Variants in ERCC8 observed in about 807,000 individuals in gnomAD.
The protein encoded by ERCC8 is DNA excision repair protein ERCC-8.
ERCC8 carries 52 observed loss-of-function variants against 54.9 expected under a neutral mutation model. The observed-to-expected ratio is 0.95, with a 90% CI of 0.76 to 1.19. The LOEUF is 1.19. Among genes scored for constraint, ERCC8 ranks in the 50% most tolerant of loss-of-function variants. ERCC8 has a pLI of 0.00. For missense variants in ERCC8, 514 were observed against 466.1 expected, an observed-to-expected ratio of 1.10 and a Z score of -0.95; for synonymous variants, 146 against 157.2, an observed-to-expected ratio of 0.93 and a Z score of 0.53.
chr5:60,875,892 T>C (rs1035143759), intron 11 of ERCC8, among the ~76,000 whole-genome samples: 1 of 114,170 alleles, frequency 8.8e-6, no homozygotes, highest in Non-Finnish European at 1.8e-5. Flanking sequence ...ATTTATTTTT[T>C]CTTTTTTTTA....
At position 60,938,048 on chromosome 5, in the gene ERCC8, CATATATATATATAT is replaced by C. The variant is rs1170248858; in HGVS notation, c.77+6870_77+6883del. The stretch of plus-strand genomic sequence containing the variant: ...GTATACATACATACATACATACATA[CATATATATATATAT>C]ATATATATATATATATATATATATT... On this transcript the variant is annotated intron_variant, in intron 1 of 11. Coordinates refer to ENST00000676185, the MANE Select transcript of ERCC8 (RefSeq NM_000082.4). 2.1e-4 allele frequency among the ~76,000 whole-genome samples: 5 copies of C among 23,376 alleles called. 1 individual carries two copies. Among genetic ancestry groups the C allele is most frequent in the Non-Finnish European group, 3.5e-4 (4 of 11,328 alleles). The allele number at this position is 23,376 out of a possible 152,430, so 15.3% of individuals were successfully genotyped here.
At chr5:60,899,506 C>T (rs1748811353) in intron 8 of ERCC8, 121 bp downstream of exon 8, 1 of 717,940 alleles carries the variant, frequency 1.4e-6, no homozygotes, top group Non-Finnish European at 2.5e-6. Context: ...CGATGAATGC[C>T]TTTTGAAAAA....
chr5:60,908,006 T>G (rs965858511), intron 4 of ERCC8, among the ~76,000 whole-genome samples: 5 of 152,196 alleles, frequency 3.3e-5, no homozygotes, highest in African/African-American at 1.2e-4. Flanking sequence ...TTTTACAGGC[T>G]TCCATTGTAT....
chr5:60,938,243 T>C (rs1361762230), intron 1 of ERCC8, among the ~76,000 whole-genome samples: 2 of 151,236 alleles, frequency 1.3e-5, no homozygotes, highest in South Asian at 2.1e-4. Context: ...TGAAATGTAA[T>C]TATGAATTTC....
intron 1 of ERCC8, among the ~76,000 whole-genome samples, chr5:60,932,374 T>A (rs1341196471): frequency 1.3e-5 from 2 of 152,192 alleles, no homozygotes; most frequent in Admixed American, 1.3e-4. Context: ...GTGCCTAAAC[T>A]ATTTGAGAAA....
chr5:60,904,885 A>G lies in ERCC8; in HGVS notation c.400-12T>C. The G allele has an allele frequency of 2.3e-6, 3 of 1,302,614 alleles. No individual in the cohort carries two copies. The highest frequency in any genetic ancestry group is 1.8e-4 in the Middle Eastern group (1 of 5,448). 80.7% of individuals were successfully genotyped at this position (1,302,614 alleles called of 1,614,324 possible). A position where few individuals can be genotyped will look rare whatever the true frequency, so the allele number is the denominator to read the frequency against. ...AATACATCTGCAGTCTGGTAATCAA[A>G]AGACATTTAAAAAGTATAAGGTTTA... On this transcript the variant is annotated splice_polypyrimidine_tract_variant and intron_variant, in intron 4 of 11. Transcript: ENST00000676185.
At chr5:60,939,748 G>A (rs1167994784) in intron 1 of ERCC8, among the ~76,000 whole-genome samples, 1 of 152,082 alleles carries the variant, frequency 6.6e-6, no homozygotes, top group Non-Finnish European at 1.5e-5. Context: ...CACCTGCCTT[G>A]GCCTCCCAAA....
At chr5:60,893,312 T>C (rs1579997206) in intron 9 of ERCC8, 1 of 893,046 alleles carries the variant, frequency 1.1e-6, no homozygotes, top group Non-Finnish European at 1.9e-6. Context: ...CTGAAACTCC[T>C]CCTGGCGTCT....
intron 10 of ERCC8, among the ~76,000 whole-genome samples, chr5:60,888,275 A>G (rs948472812): frequency 2.6e-5 from 4 of 152,232 alleles, no homozygotes; most frequent in African/African-American, 9.6e-5. Flanking sequence ...AGTAATTTAT[A>G]GAAAATGTAG....
At chr5:60,941,684 T>C (rs1750261313) in intron 1 of ERCC8, among the ~76,000 whole-genome samples, 1 of 152,202 alleles carries the variant, frequency 6.6e-6, no homozygotes, top group African/African-American at 2.4e-5. Context: ...AGAAAAATGA[T>C]AAATTACCTA....
rs1396232759 is a variant in ERCC8 at position 60,943,978 on chromosome 5, A to G, written c.77+954T>C. Among the ~76,000 whole-genome samples the G allele has an allele frequency of 2.0e-5, 3 of 152,304 alleles. No homozygotes were observed. The East Asian group carries it at 5.8e-4, about 29-fold the overall frequency. Reference sequence around the variant, plus strand: ...TATTTAAATTTCTCCAGAACGCAGAACTCATAAGCAACTGTGTTCTCCAAG... The same window carrying G: ...TATTTAAATTTCTCCAGAACGCAGAGCTCATAAGCAACTGTGTTCTCCAAG... On this transcript the variant is annotated intron_variant, in intron 1 of 11. Transcript: ENST00000676185.
intron 4 of ERCC8, among the ~76,000 whole-genome samples, chr5:60,916,393 G>C (rs1749436092): frequency 6.6e-6 from 1 of 152,054 alleles, no homozygotes; most frequent in South Asian, 2.1e-4. Context: ...AAAGTTGAAT[G>C]CATTTCTGTA....
At chr5:60,930,402 C>G (rs894515452) in intron 1 of ERCC8, among the ~76,000 whole-genome samples, 13 of 152,152 alleles carry the variant, frequency 8.5e-5, no homozygotes, top group African/African-American at 3.1e-4. Flanking sequence ...ACTAAAAATA[C>G]AAAAATTAGC....
At chr5:60,928,618 C>T (rs184724192) in intron 2 of ERCC8, among the ~76,000 whole-genome samples, 45 of 152,128 alleles carry the variant, frequency 3.0e-4, no homozygotes, top group Non-Finnish European at 4.6e-4. Context: ...AAAAGAAGTT[C>T]AATGTTTGTT....
intron 1 of ERCC8, among the ~76,000 whole-genome samples, chr5:60,944,727 A>G (rs938366433): frequency 9.6e-6 from 1 of 104,536 alleles, no homozygotes; most frequent in Non-Finnish European, 1.9e-5. Context: ...CCCCCGGGGA[A>G]CCCCCCCCAC....
In ERCC8 at chr5:60,902,516, T is replaced by C. The variant is rs2112491345; in HGVS notation, c.551-8A>G. The C allele has an allele frequency of 6.2e-7, 1 of 1,606,914 alleles. No homozygotes were observed. Among genetic ancestry groups the C allele is most frequent in the Non-Finnish European group, 8.5e-7 (1 of 1,173,766 alleles). Reference sequence around the variant, plus strand: ...ATATTTCTTGTCTGTGACCTGCAAATACAACTATATGAAAAGTCTTGCAAG... The same window carrying C: ...ATATTTCTTGTCTGTGACCTGCAAACACAACTATATGAAAAGTCTTGCAAG... On this transcript the variant is annotated splice_region_variant and splice_polypyrimidine_tract_variant and intron_variant, in intron 6 of 11. Transcript: ENST00000676185.
chr5:60,866,785 G>T lies in ERCC8; in HGVS notation c.*7830C>A, dbSNP rs543471178. Reference sequence around the variant, plus strand: ...CATTTTTAAATGCTTTAGAAAATATGATGATTTGTGATTTTAGAGCAGGAA... The same window carrying T: ...CATTTTTAAATGCTTTAGAAAATATTATGATTTGTGATTTTAGAGCAGGAA... On this transcript the variant is annotated 3_prime_UTR_variant, in exon 12 of 12. Transcript: ENST00000676185. 2.6e-5 allele frequency: 4 copies of T among 152,154 alleles called. No individual in the cohort carries two copies. The highest frequency in any genetic ancestry group is 2.6e-4 in the Admixed American group (4 of 15,264). The allele number at this position is 152,154 out of a possible 1,614,324, so 9.4% of individuals were successfully genotyped here. A position where few individuals can be genotyped will look rare whatever the true frequency, so the allele number is the denominator to read the frequency against.
Position 60,874,049 on chromosome 5 carries a change from C to T in ERCC8, c.*566G>A, listed in dbSNP as rs1237345187. The stretch of plus-strand genomic sequence containing the variant: ...AAAGTTAAAAGCCTCCTGTGATGCA[C>T]ATTTTGGATAGTAGGAGACATTGAG... On this transcript the variant is annotated 3_prime_UTR_variant, in exon 12 of 12. Transcript: ENST00000676185. The T allele has an allele frequency of 2.0e-5, 3 of 152,216 alleles. No homozygotes were observed. Among genetic ancestry groups the T allele is most frequent in the East Asian group, 1.9e-4 (1 of 5,200 alleles). The allele number at this position is 152,216 out of a possible 1,614,324, so 9.4% of individuals were successfully genotyped here. A position where few individuals can be genotyped will look rare whatever the true frequency, so the allele number is the denominator to read the frequency against.
intron 1 of ERCC8, among the ~76,000 whole-genome samples, chr5:60,930,588 A>T (rs1271457615): frequency 6.6e-6 from 1 of 151,406 alleles, no homozygotes; most frequent in African/African-American, 2.4e-5. Flanking sequence ...CTAAAAAATG[A>T]GCCAGGCCTA....
Sources: allele counts gnomAD v4.1 joint callset (sites outside exome capture counted in the v4.1 genomes callset), GRCh38; gene constraint gnomAD v4.1.1; transcripts MANE v1.5; gene names NCBI Gene and HGNC (gene_info 2026-07-23, HGNC 2026-07-21).